ST3GAL2: variants seen among roughly 807,000 people sequenced by gnomAD.
ST3GAL2 encodes CMP-N-acetylneuraminate-beta-galactosamide-alpha-2,3-sialyltransferase 2.
Under a neutral mutation model 37.5 loss-of-function variants are expected in ST3GAL2, and 16 were observed. That is an observed-to-expected ratio of 0.43 (90% CI 0.29 to 0.65). The LOEUF (loss-of-function observed/expected upper bound fraction) is 0.65, where lower values mean the gene tolerates loss of function less well. ST3GAL2 is among the 30% of genes least tolerant of loss of function. The pLI is 0.17. For synonymous variants in ST3GAL2, 238 were observed against 202.9 expected (o/e 1.17, Z -1.47); for missense variants, 383 against 487.8 (o/e 0.79, Z 2.02).
chr16:70,395,107 A>C lies in ST3GAL2; in HGVS notation c.408T>G (p.Pro136=). The C allele has an allele frequency of 6.2e-7, 1 of 1,613,888 alleles. No individual in the cohort carries two copies. Among genetic ancestry groups the C allele is most frequent in the Non-Finnish European group, 8.5e-7 (1 of 1,179,892 alleles). ...CCCGGAAGCGGTAGGGGTTCTCGCCAGGCACTATCTGGAACAGCTTCTCCA... is the reference window on the plus strand; with the variant it reads ...CCCGGAAGCGGTAGGGGTTCTCGCCCGGCACTATCTGGAACAGCTTCTCCA... ...EVLEKLFQIV[P]GENPYRFRDP... Residue 136 remains proline, a synonymous_variant, in exon 3 of 7, where the codon CCT becomes CCG. Coordinates refer to ENST00000342907, the MANE Select transcript of ST3GAL2 (RefSeq NM_006927.4).
intron 3 of ST3GAL2, among the ~76,000 whole-genome samples, chr16:70,392,629 A>T (rs1270634509): frequency 1.3e-5 from 2 of 152,186 alleles, no homozygotes; most frequent in Non-Finnish European, 2.9e-5. Context: ...CTCAGAGGAC[A>T]AATAGGAGGA....
Position 70,381,812 on chromosome 16 carries a change from G to A in ST3GAL2, c.930C>T (p.Tyr310=), listed in dbSNP as rs1292497798. 12 of 1,613,980 alleles carry A rather than the reference G, an allele frequency of 7.4e-6. No homozygotes were observed. Among genetic ancestry groups the A allele is most frequent in the East Asian group, 6.7e-5 (3 of 44,890 alleles). Residue 310 remains tyrosine, a synonymous_variant, in exon 7 of 7, where the codon TAC becomes TAT. Coordinates refer to ENST00000342907, the MANE Select transcript of ST3GAL2 (RefSeq NM_006927.4). ...CGCCCGCGTACCGGTTGTTCTCCCA[G>A]TAGTGGTGCCAGTTGCCCCGGCTGT... ...GADSRGNWHH[Y]WENNRYAGEF...
Position 70,388,380 on chromosome 16 carries a change from C to G in ST3GAL2, c.700G>C (p.Gly234Arg). The change falls in exon 4 of 7, where the codon GGG (glycine) becomes CGG (arginine). Residue 234 changes from glycine (G) to arginine (R), a missense_variant. Gly to Arg is a moderately radical substitution (Grantham distance 125). Transcript: ENST00000342907. ...CAAGAAGCTCACAATCGGATCTGCCCCGTGGACAAGGCGCTGGCGATCCAC... is the reference window on the plus strand; with the variant it reads ...CAAGAAGCTCACAATCGGATCTGCCGCGTGGACAAGGCGCTGGCGATCCAC... Reference protein sequence around the residue: ...LLWIASALSTGQIRFTYAPVK... With the variant: ...LLWIASALSTRQIRFTYAPVK... 6.2e-7 allele frequency: 1 copy of G among 1,614,182 alleles called. No homozygotes were observed. Among genetic ancestry groups the G allele is most frequent in the Non-Finnish European group, 8.5e-7 (1 of 1,180,036 alleles).
At chr16:70,409,862 G>A (rs2047624364) in intron 1 of ST3GAL2, among the ~76,000 whole-genome samples, 1 of 145,690 alleles carries the variant, frequency 6.9e-6, no homozygotes. Context: ...TCCCCAGGCT[G>A]GACTTGAACT....
At position 70,378,046 on chromosome 16, in the gene ST3GAL2, A is replaced by G. The variant is rs139567828; in HGVS notation, c.*3643T>C. On this transcript the variant is annotated 3_prime_UTR_variant, in exon 7 of 7. Transcript: ENST00000342907. ...ATAACAGCAATAGACGGGAAATTTAACAAAATATTTGGAACACACCCAAAA... is the reference window on the plus strand; with the variant it reads ...ATAACAGCAATAGACGGGAAATTTAGCAAAATATTTGGAACACACCCAAAA... 6.6e-6 allele frequency: 1 copy of G among 152,354 alleles called. No individual in the cohort carries two copies. The highest frequency in any genetic ancestry group is 1.5e-5 in the Non-Finnish European group (1 of 68,040). 9.4% of individuals were successfully genotyped at this position (152,354 alleles called of 1,614,324 possible).
chr16:70,413,250 C>CA (rs58711604), intron 1 of ST3GAL2, among the ~76,000 whole-genome samples: 203 of 104,760 alleles, frequency 1.9e-3, no homozygotes, highest in East Asian at 3.8e-3. Flanking sequence ...AACTCTGTCT[C>CA]AAAAAAAAAA....
intron 1 of ST3GAL2, among the ~76,000 whole-genome samples, chr16:70,438,093 A>T (rs563882305): frequency 6.6e-6 from 1 of 152,332 alleles, no homozygotes; most frequent in African/African-American, 2.4e-5. Flanking sequence ...GCAAAAGATA[A>T]ATCGAAAGGC....
In ST3GAL2 at chr16:70,433,350, G is replaced by A. The variant is rs373461189; in HGVS notation, c.-1004+5599C>T. On this transcript the variant is annotated intron_variant, in intron 1 of 6. Coordinates refer to ENST00000342907, the MANE Select transcript of ST3GAL2 (RefSeq NM_006927.4). ...CATACCCTGCTGCCAGTTTGCCCTC[G>A]GTCTGCTCAGAAACTAGTCAGACTA... 2.2e-4 allele frequency among the ~76,000 whole-genome samples: 33 copies of A among 152,062 alleles called. 1 individual carries two copies. In the South Asian group the frequency reaches 6.0e-3, roughly 28 times the overall value.
chr16:70,432,084 C>A (rs2047795169), intron 1 of ST3GAL2, among the ~76,000 whole-genome samples: 2 of 151,872 alleles, frequency 1.3e-5, no homozygotes, highest in African/African-American at 4.8e-5. Context: ...CCCAAGAGTT[C>A]AAGGCTGCAG....
chr16:70,395,634 A>G lies in ST3GAL2; in HGVS notation c.340-459T>C, dbSNP rs565247280. Among the ~76,000 whole-genome samples the G allele has an allele frequency of 2.4e-3, 363 of 152,304 alleles. 2 individuals are homozygous for G. The highest frequency in any genetic ancestry group is 8.6e-3 in the African/African-American group (356 of 41,576). On this transcript the variant is annotated intron_variant, in intron 2 of 6. Coordinates refer to ENST00000342907, the MANE Select transcript of ST3GAL2 (RefSeq NM_006927.4). Reference sequence around the variant, plus strand: ...ACAGTCCAGCCACTCCCTGAGCCCCAGGGAAGGGCAGAGAGGCTGATAAAT... The same window carrying G: ...ACAGTCCAGCCACTCCCTGAGCCCCGGGGAAGGGCAGAGAGGCTGATAAAT...
rs2047397158 is a variant in ST3GAL2 at position 70,380,936 on chromosome 16, A to C, written c.*753T>G. The C allele has an allele frequency of 6.5e-6, 1 of 153,532 alleles. No individual in the cohort carries two copies. The highest frequency in any genetic ancestry group is 1.4e-5 in the Non-Finnish European group (1 of 69,052). 9.5% of individuals were successfully genotyped at this position (153,532 alleles called of 1,614,324 possible). A position where few individuals can be genotyped will look rare whatever the true frequency, so the allele number is the denominator to read the frequency against. On this transcript the variant is annotated 3_prime_UTR_variant, in exon 7 of 7. Coordinates refer to ENST00000342907, the MANE Select transcript of ST3GAL2 (RefSeq NM_006927.4). ...TCCGGCCCAGGGAGAGGCGCTGAGA[A>C]GGCTGCGGGTGAACGGGAGGGTCGA...
intron 1 of ST3GAL2, among the ~76,000 whole-genome samples, chr16:70,408,370 G>T (rs1229083565): frequency 6.6e-6 from 1 of 151,894 alleles, no homozygotes; most frequent in Non-Finnish European, 1.5e-5. Context: ...TGGGTGGGGG[G>T]CAGCACCCAA....
chr16:70,392,566 G>A (rs564147859), intron 3 of ST3GAL2, among the ~76,000 whole-genome samples: 6 of 152,312 alleles, frequency 3.9e-5, no homozygotes, highest in African/African-American at 1.4e-4. Flanking sequence ...GGATGGATCT[G>A]CTGGCCAACT....
chr16:70,384,705 CAAAA>C (rs34907504), intron 4 of ST3GAL2, among the ~76,000 whole-genome samples: 9 of 69,112 alleles, frequency 1.3e-4, no homozygotes, highest in African/African-American at 5.6e-4. Context: ...AACTCTGTCT[CAAAA>C]AAAAAAAAAA....
chr16:70,419,029 A>G (rs939546966), intron 1 of ST3GAL2, among the ~76,000 whole-genome samples: 12 of 152,176 alleles, frequency 7.9e-5, no homozygotes, highest in Non-Finnish European at 1.6e-4. Context: ...CAGGGAGGGC[A>G]GGGCATTCCC....
At chr16:70,412,467 C>T (rs1478934895) in intron 1 of ST3GAL2, among the ~76,000 whole-genome samples, 1 of 151,830 alleles carries the variant, frequency 6.6e-6, no homozygotes, top group East Asian at 1.9e-4. Context: ...AACACGACAA[C>T]ACCCTATCTC....
intron 6 of ST3GAL2, 106 bp downstream of exon 6, chr16:70,382,699 A>T: frequency 6.5e-7 from 1 of 1,540,644 alleles, no homozygotes; most frequent in Non-Finnish European, 8.8e-7. Flanking sequence ...GGCCACATGG[A>T]TTCTGCCTAC....
At chr16:70,403,686 G>A (rs1310876075) in intron 1 of ST3GAL2, among the ~76,000 whole-genome samples, 2 of 152,172 alleles carry the variant, frequency 1.3e-5, no homozygotes, top group Non-Finnish European at 2.9e-5. Flanking sequence ...GGTGGTGGGT[G>A]CCTGTAATCC....
chr16:70,379,975 AAATT>A lies in ST3GAL2; in HGVS notation c.*1710_*1713del, dbSNP rs1052983011. The A allele has an allele frequency of 1.1e-4, 17 of 152,172 alleles. No homozygotes were observed. Among genetic ancestry groups the A allele is most frequent in the African/African-American group, 4.1e-4 (17 of 41,444 alleles). The allele number at this position is 152,172 out of a possible 1,614,324, so 9.4% of individuals were successfully genotyped here. On this transcript the variant is annotated 3_prime_UTR_variant, in exon 7 of 7. Transcript: ENST00000342907. Reference sequence around the variant, plus strand: ...TTAAAGCAAAAGAAAAAAAAGAAATAAATTATTCTGCTCAATACTGTTTGGCATA... The same window carrying A: ...TTAAAGCAAAAGAAAAAAAAGAAATAATTCTGCTCAATACTGTTTGGCATA...
Sources: gnomAD v4.1 joint callset for allele counts (sites outside exome capture counted in the v4.1 genomes callset) on GRCh38, gnomAD v4.1.1 for gene constraint, MANE v1.5 for transcripts, NCBI Gene and HGNC (gene_info 2026-07-23, HGNC 2026-07-21) for gene names.